ATP1A2: variants seen among roughly 807,000 people sequenced by gnomAD.
ATP1A2 encodes the protein ATPase Na+/K+ transporting subunit alpha 2.
A neutral mutation model predicts 113.1 loss-of-function variants in ATP1A2; 56 were observed. That is an observed-to-expected ratio of 0.49 (90% CI 0.40 to 0.62). The LOEUF (loss-of-function observed/expected upper bound fraction) is 0.62, where lower values mean the gene tolerates loss of function less well. Among genes scored for constraint, ATP1A2 ranks in the 20% least tolerant of loss-of-function variants. The pLI, the probability that ATP1A2 is intolerant of heterozygous loss-of-function variation, is 0.00. For synonymous variants in ATP1A2, 490 were observed against 526.8 expected (o/e 0.93, Z 0.96); for missense variants, 712 against 1,357.8 (o/e 0.52, Z 7.47).
In ATP1A2 at chr1:160,135,195, C is replaced by T. The variant is rs145701604; in HGVS notation, c.2015C>T (p.Ser672Leu). 11 of 1,614,164 alleles carry T rather than the reference C, an allele frequency of 6.8e-6. No individual in the cohort carries two copies. Among genetic ancestry groups the T allele is most frequent in the South Asian group, 2.2e-5 (2 of 91,082 alleles). ...GGCTCTGACCTGAAGGACATGACATCGGAGCAGCTCGATGAGATCCTCAAG... is the reference window on the plus strand; with the variant it reads ...GGCTCTGACCTGAAGGACATGACATTGGAGCAGCTCGATGAGATCCTCAAG... ...VHGSDLKDMTSEQLDEILKNH... is the reference protein window; with the variant it reads ...VHGSDLKDMTLEQLDEILKNH... The change falls in exon 15 of 23, where the codon TCG becomes TTG. Residue 672 changes from serine to leucine, a missense_variant. Transcript: ENST00000361216. The surrounding 1 kb of genome is among the most constrained non-coding windows in gnomAD (Gnocchi z 6.3).
At chr1:160,118,336 C>T (rs988594843) in intron 1 of ATP1A2, among the ~76,000 whole-genome samples, 4 of 152,190 alleles carry the variant, frequency 2.6e-5, no homozygotes, top group Admixed American at 1.3e-4. Flanking sequence ...GCCTGGGCCC[C>T]CTTCTGTCCC....
At chr1:160,124,781 G>A (rs1037202172) in intron 6 of ATP1A2, among the ~76,000 whole-genome samples, 5 of 152,182 alleles carry the variant, frequency 3.3e-5, no homozygotes, top group African/African-American at 9.7e-5. Context: ...GGCCACACAC[G>A]TTGCATCCTG....
At chr1:160,134,384 A>C (rs1388629313) in intron 13 of ATP1A2, 100 bp from the exon 14 acceptor site, 10 of 1,570,140 alleles carry the variant, frequency 6.4e-6, no homozygotes, top group Non-Finnish European at 8.7e-6. Context: ...TGCCATCCCC[A>C]GACATCTCGC....
chr1:160,141,686 C>T lies in ATP1A2; in HGVS notation c.*364C>T. The stretch of plus-strand genomic sequence containing the variant: ...AGATCAGCATCCAAAAGCAGGAACC[C>T]ATCTAAACCAGAAGGAAGCCCTCTC... On this transcript the variant is annotated 3_prime_UTR_variant, in exon 23 of 23. Coordinates refer to ENST00000361216, the MANE Select transcript of ATP1A2 (RefSeq NM_000702.4). The T allele has an allele frequency of 3.0e-6, 1 of 338,394 alleles. No homozygotes were observed. The highest frequency in any genetic ancestry group is 5.7e-6 in the Non-Finnish European group (1 of 174,534). 21.0% of individuals were successfully genotyped at this position (338,394 alleles called of 1,614,324 possible).
At chr1:160,141,180 C>T (rs544505971) in intron 22 of ATP1A2, 114 bp from the exon 23 acceptor site, 8 of 1,295,330 alleles carry the variant, frequency 6.2e-6, no homozygotes, top group African/African-American at 2.9e-5. Context: ...CCCCCAGTGC[C>T]CTTCACCAGG....
chr1:160,139,917 C>T lies in ATP1A2; in HGVS notation c.2967C>T (p.Phe989=), dbSNP rs138826759. ...PLKVTWWFCA[F]PYSLLIFIYD... ...GAGTCACCTGGTGGTTCTGCGCCTT[C>T]CCCTACAGCCTCCTCATCTTCATCT... Residue 989 remains phenylalanine, a synonymous_variant, in exon 22 of 23, where the codon TTC becomes TTT. Coordinates refer to ENST00000361216, the MANE Select transcript of ATP1A2 (RefSeq NM_000702.4). 692 of 1,614,110 alleles carry T rather than the reference C, an allele frequency of 4.3e-4. 2 individuals carry two copies. The African/African-American group carries it at 8.5e-3, about 20-fold the overall frequency.
rs1480589289 is a variant in ATP1A2 at position 160,133,227 on chromosome 1, G to A, written c.1828-1257G>A. ...GAGGGCAGGGTTTCAAGGAGAAGAG[G>A]TCAACGGTGCCAAATGCCTCAGAGG... is the stretch of plus-strand genomic sequence containing the variant. On this transcript the variant is annotated intron_variant, in intron 13 of 22. Coordinates refer to ENST00000361216, the MANE Select transcript of ATP1A2 (RefSeq NM_000702.4). Among the ~76,000 whole-genome samples, 48 of 152,200 alleles carry A rather than the reference G, an allele frequency of 3.2e-4. 1 individual carries two copies. The highest frequency in any genetic ancestry group is 3.1e-3 in the Admixed American group (48 of 15,288).
At position 160,135,143 on chromosome 1, in the gene ATP1A2, A is replaced by G. The variant is rs746362740; in HGVS notation, c.1965-2A>G. The G allele has an allele frequency of 6.2e-7, 1 of 1,614,060 alleles. No individual in the cohort carries two copies. Among genetic ancestry groups the G allele is most frequent in the Non-Finnish European group, 8.5e-7 (1 of 1,180,016 alleles). ...CTGTCTCTGTCCCCACCCACCCTCCAGAGAAGCCAAGGCATGCGTGGTGCA... is the reference window on the plus strand; with the variant it reads ...CTGTCTCTGTCCCCACCCACCCTCCGGAGAAGCCAAGGCATGCGTGGTGCA... On this transcript the variant is annotated splice_acceptor_variant, in intron 14 of 22. Transcript: ENST00000361216. LOFTEE classifies it high-confidence loss of function. The surrounding 1 kb of genome is among the most constrained non-coding windows in gnomAD (Gnocchi z 6.3).
intron 4 of ATP1A2, among the ~76,000 whole-genome samples, chr1:160,123,620 C>G (rs1651492560): frequency 6.6e-6 from 1 of 152,228 alleles, no homozygotes. Flanking sequence ...TTCACATACT[C>G]ATTAATTAAT....
At chr1:160,141,196 C>T in intron 22 of ATP1A2, 98 bp from the exon 23 acceptor site, 2 of 1,468,408 alleles carry the variant, frequency 1.4e-6, no homozygotes, top group South Asian at 1.2e-5. Context: ...CCAGGCTTCT[C>T]CTTCCACCTG....
At position 160,134,942 on chromosome 1, in the gene ATP1A2, C is replaced by T. The variant is rs139397274; in HGVS notation, c.1965-203C>T. Reference sequence around the variant, plus strand: ...GCCTAGCAAACTGCACTTACAACTGCGATGATCCCATGGTGAGGATTTAGA... The same window carrying T: ...GCCTAGCAAACTGCACTTACAACTGTGATGATCCCATGGTGAGGATTTAGA... On this transcript the variant is annotated intron_variant, in intron 14 of 22. Coordinates refer to ENST00000361216, the MANE Select transcript of ATP1A2 (RefSeq NM_000702.4). 2.3e-3 allele frequency among the ~76,000 whole-genome samples: 350 copies of T among 152,236 alleles called. 1 individual carries two copies. Among genetic ancestry groups the T allele is most frequent in the African/African-American group, 7.7e-3 (318 of 41,518 alleles).
chr1:160,135,000 G>A (rs1651889303), intron 14 of ATP1A2, 145 bp from the exon 15 acceptor site: 1 of 1,026,774 alleles, frequency 9.7e-7, no homozygotes, highest in African/African-American at 1.6e-5. Context: ...GGGGAAGTGA[G>A]TACTGAGGAG....
At chr1:160,137,767 C>T (rs536508622) in intron 20 of ATP1A2, among the ~76,000 whole-genome samples, 1 of 145,770 alleles carries the variant, frequency 6.9e-6, no homozygotes, top group African/African-American at 2.5e-5. Flanking sequence ...TTTCTCCTAC[C>T]ATAAACAATG....
chr1:160,131,294 C>G (rs141413354), intron 13 of ATP1A2, among the ~76,000 whole-genome samples: 1 of 152,278 alleles, frequency 6.6e-6, no homozygotes, highest in African/African-American at 2.4e-5. Context: ...ATTTAATCTA[C>G]GCAACAACCC....
In ATP1A2 at chr1:160,125,164, C is replaced by T; in HGVS notation, c.659C>T (p.Ser220Leu). Residue 220 changes from serine (S) to leucine (L), a missense_variant, in exon 7 of 23, where the codon TCG becomes TTG. This residue lies in a region of ATP1A2 where 99 missense variants were observed against 180.4 expected (regional missense o/e 0.55). Transcript: ENST00000361216. ...GATAACTCATCCTTAACAGGAGAGT[C>T]GGAGCCCCAGACCCGCTCCCCCGAG... ...KVDNSSLTGE[S>L]EPQTRSPEFT... is the part of the protein sequence containing the mutation. 6.2e-7 allele frequency: 1 copy of T among 1,614,060 alleles called. No individual in the cohort carries two copies. The highest frequency in any genetic ancestry group is 1.3e-5 in the African/African-American group (1 of 74,996).
chr1:160,131,967 T>C (rs1440281043), intron 13 of ATP1A2, among the ~76,000 whole-genome samples: 1 of 152,230 alleles, frequency 6.6e-6, no homozygotes, highest in African/African-American at 2.4e-5. Context: ...CTCCTGCTGC[T>C]TGGCCAGGTG....
rs1651668511 is a variant in ATP1A2 at position 160,128,828 on chromosome 1, T to C, written c.1194T>C (p.Ala398=). The change falls in exon 9 of 23, where the codon GCT becomes GCC. Residue 398 remains alanine, a synonymous_variant. Transcript: ENST00000361216. ...HMWFDNQIHE[A]DTTEDQSGAT... ...GGTTCGACAACCAAATCCATGAGGC[T>C]GACACCACCGAAGATCAGTCTGGTG... 1 of 1,614,088 alleles carries C rather than the reference T, an allele frequency of 6.2e-7. No individual in the cohort carries two copies. The highest frequency in any genetic ancestry group is 8.5e-7 in the Non-Finnish European group (1 of 1,180,010).
intron 13 of ATP1A2, 78 bp from the exon 14 acceptor site, chr1:160,134,406 C>G: frequency 6.2e-7 from 1 of 1,606,052 alleles, no homozygotes; most frequent in Non-Finnish European, 8.5e-7. Flanking sequence ...ATCTAGCTTT[C>G]TCTTACTTTG....
chr1:160,135,432 A>G lies in ATP1A2; in HGVS notation c.2116-2A>G. The stretch of plus-strand genomic sequence containing the variant: ...CCTCAAGTGTGGCCGTCTTCCCTCC[A>G]GGGAGCCATTGTGGCCGTGACGGGT... On this transcript the variant is annotated splice_acceptor_variant, in intron 15 of 22. Coordinates refer to ENST00000361216, the MANE Select transcript of ATP1A2 (RefSeq NM_000702.4). LOFTEE classifies it high-confidence loss of function. The surrounding 1 kb of genome is among the most constrained non-coding windows in gnomAD (Gnocchi z 6.3). The G allele has an allele frequency of 6.2e-7, 1 of 1,614,160 alleles. No homozygotes were observed. The highest frequency in any genetic ancestry group is 8.5e-7 in the Non-Finnish European group (1 of 1,180,022).
Sources: allele counts gnomAD v4.1 joint callset (sites outside exome capture counted in the v4.1 genomes callset), GRCh38; gene constraint gnomAD v4.1.1; regional missense constraint gnomAD v4.1.1; non-coding constraint Gnocchi (gnomAD v3.1); transcripts MANE v1.5; gene names NCBI Gene and HGNC (gene_info 2026-07-23, HGNC 2026-07-21).